The following MBOAT2 variants were observed in gnomAD, a reference collection of about 807,000 sequenced individuals.
MBOAT2 encodes membrane-bound glycerophospholipid O-acyltransferase 2.
A neutral mutation model predicts 63.4 loss-of-function variants in MBOAT2; 28 were observed. The ratio of observed to expected loss-of-function variants is 0.44; its 90% CI spans 0.33 to 0.61. The LOEUF (loss-of-function observed/expected upper bound fraction) is 0.61, where lower values mean the gene tolerates loss of function less well. Ranked by LOEUF, MBOAT2 falls within the 20% of genes least tolerant of loss-of-function variation. The pLI is 0.03. For synonymous variants in MBOAT2, 211 were observed against 215.6 expected (o/e 0.98, Z 0.19); for missense variants, 470 against 605.8 (o/e 0.78, Z 2.35).
chr2:8,903,865 C>A (rs771859262), intron 4 of MBOAT2, among the ~76,000 whole-genome samples: 15 of 152,198 alleles, frequency 9.9e-5, no homozygotes, highest in Admixed American at 3.3e-4. Context: ...AGCATTTATT[C>A]TTCTAGAGAA....
chr2:8,873,166 G>C lies in MBOAT2; in HGVS notation c.825C>G (p.Ile275Met), dbSNP rs1295645885. The C allele has an allele frequency of 1.9e-6, 3 of 1,614,146 alleles. No individual in the cohort carries two copies. The highest frequency in any genetic ancestry group is 2.5e-6 in the Non-Finnish European group (3 of 1,180,024). The change falls in exon 8 of 13, where the codon ATC (isoleucine) becomes ATG (methionine). Residue 275 changes from isoleucine to methionine, a missense_variant. Ile to Met is a conservative substitution (Grantham distance 10). Around this residue, in one of 3 missense-constraint regions of MBOAT2, gnomAD observed 376 missense variants for 503.8 expected, o/e 0.75. Transcript: ENST00000305997. Reference sequence around the variant, plus strand: ...CAGCCAAAAGAGAGATATACAGATAGATAATCTTTGTTGGCCACGAAGCTG... The same window carrying C: ...CAGCCAAAAGAGAGATATACAGATACATAATCTTTGTTGGCCACGAAGCTG... ...QATASWPTKI[I>M]YLYISLLAAR...
In MBOAT2 at chr2:8,877,053, C is replaced by T. The variant is rs1414149743; in HGVS notation, c.667G>A (p.Glu223Lys). 5.6e-6 allele frequency: 9 copies of T among 1,612,492 alleles called. No homozygotes were observed. The highest frequency in any genetic ancestry group is 7.6e-6 in the Non-Finnish European group (9 of 1,179,552). ...ACATTTGGAGATGGCTCTGTTCTTT[C>T]ATACTGTGTCTCTTCTTTTCCATTT... Reference protein sequence around the residue: ...GENGKEETQYERTEPSPNTAV... With the variant: ...GENGKEETQYKRTEPSPNTAV... Residue 223 changes from glutamate to lysine, a missense_variant, in exon 7 of 13, where the codon GAA becomes AAA. Physicochemically the swap from Glu to Lys is moderately conservative, Grantham distance 56. This residue lies in a region of MBOAT2 where 376 missense variants were observed against 503.8 expected (regional missense o/e 0.75). Transcript: ENST00000305997.
chr2:8,995,808 G>T (rs765988303), intron 1 of MBOAT2, among the ~76,000 whole-genome samples: 30 of 152,028 alleles, frequency 2.0e-4, no homozygotes, highest in African/African-American at 7.0e-4. Context: ...AGCCAGAATG[G>T]TCTCGATCTC....
At chr2:8,962,923 G>T (rs1457944845) in intron 1 of MBOAT2, among the ~76,000 whole-genome samples, 1 of 152,008 alleles carries the variant, frequency 6.6e-6, no homozygotes, top group African/African-American at 2.4e-5. Flanking sequence ...ACTCCTAAAC[G>T]CCAGTAGGAG....
chr2:8,985,047 T>A (rs1374013372), intron 1 of MBOAT2, among the ~76,000 whole-genome samples: 2 of 151,852 alleles, frequency 1.3e-5, no homozygotes, highest in Non-Finnish European at 2.9e-5. Context: ...AAGAAAAAAA[T>A]GTAAGGCTCA....
At chr2:8,919,356 A>G (rs1490711136) in intron 3 of MBOAT2, among the ~76,000 whole-genome samples, 1 of 152,222 alleles carries the variant, frequency 6.6e-6, no homozygotes. Flanking sequence ...TGAAGATTCT[A>G]GTTTCTTCAT....
chr2:8,983,483 A>G (rs779672411), intron 1 of MBOAT2, among the ~76,000 whole-genome samples: 75 of 152,222 alleles, frequency 4.9e-4, no homozygotes, highest in Non-Finnish European at 9.7e-4. Context: ...AAAAAGAATT[A>G]ATACCAGTTT....
chr2:8,883,471 C>T (rs917372739), intron 5 of MBOAT2, among the ~76,000 whole-genome samples: 4 of 152,074 alleles, frequency 2.6e-5, no homozygotes, highest in African/African-American at 9.7e-5. Flanking sequence ...ATGTAAAACA[C>T]ACATTTTATG....
At chr2:8,930,000 T>C (rs572108197) in intron 3 of MBOAT2, among the ~76,000 whole-genome samples, 4 of 152,288 alleles carry the variant, frequency 2.6e-5, no homozygotes, top group African/African-American at 9.6e-5. Context: ...TCCCCTCCCC[T>C]GAAACTAAAA....
chr2:8,945,753 AGTTT>A (rs1195944973), intron 2 of MBOAT2, among the ~76,000 whole-genome samples: 4 of 152,176 alleles, frequency 2.6e-5, no homozygotes, highest in African/African-American at 7.2e-5. Flanking sequence ...ACAAAACGTT[AGTTT>A]GTTTTCAGAT....
At position 8,879,119 on chromosome 2, in the gene MBOAT2, CTT is replaced by C. The variant is rs1662922925; in HGVS notation, c.507-1908_507-1907del. On this transcript the variant is annotated intron_variant, in intron 6 of 12. Coordinates refer to ENST00000305997, the MANE Select transcript of MBOAT2 (RefSeq NM_138799.4). The stretch of plus-strand genomic sequence containing the variant: ...AAATGTCTTGAACCTTAAGTATTTT[CTT>C]TTTAGGGCTTGAAACTGATGACAGA... Among the ~76,000 whole-genome samples, 4 of 147,408 alleles carry C rather than the reference CTT, an allele frequency of 2.7e-5. No homozygotes were observed. In the South Asian group the frequency reaches 8.6e-4, roughly 32 times the overall value.
chr2:8,968,851 A>G (rs899175501), intron 1 of MBOAT2, among the ~76,000 whole-genome samples: 8 of 152,138 alleles, frequency 5.3e-5, no homozygotes, highest in African/African-American at 1.9e-4. Context: ...AAGAAACGAA[A>G]AAAGCCTCCA....
Position 8,877,190 on chromosome 2 carries a change from T to G in MBOAT2, c.530A>C (p.Tyr177Ser). Reference protein sequence around the residue: ...AVRRMPSLLEYLSYNCNFMGI... With the variant: ...AVRRMPSLLESLSYNCNFMGI... ...CATGAAGTTACAGTTGTAACTCAAA[T>G]ACTCCAGTAAGCTTGGCATGCGCCT... Residue 177 changes from tyrosine (Y) to serine (S), a missense_variant, in exon 7 of 13, where the codon TAT becomes TCT. Around this residue, in one of 3 missense-constraint regions of MBOAT2, gnomAD observed 376 missense variants for 503.8 expected, o/e 0.75. Coordinates refer to ENST00000305997, the MANE Select transcript of MBOAT2 (RefSeq NM_138799.4). The G allele has an allele frequency of 6.2e-7, 1 of 1,612,958 alleles. No homozygotes were observed. The highest frequency in any genetic ancestry group is 8.5e-7 in the Non-Finnish European group (1 of 1,179,660).
intron 1 of MBOAT2, among the ~76,000 whole-genome samples, chr2:8,995,739 C>G (rs913065352): frequency 1.3e-5 from 2 of 152,018 alleles, no homozygotes; most frequent in Non-Finnish European, 2.9e-5. Flanking sequence ...CACGGGCACC[C>G]GCCACCATGC....
intron 1 of MBOAT2, among the ~76,000 whole-genome samples, chr2:8,964,439 A>G (rs1171720751): frequency 6.7e-6 from 1 of 149,398 alleles, no homozygotes; most frequent in Admixed American, 6.7e-5. Flanking sequence ...AGAACCTCCA[A>G]GTCAAGCAAC....
At chr2:8,868,064 G>A (rs1042862643) in intron 9 of MBOAT2, among the ~76,000 whole-genome samples, 11 of 152,050 alleles carry the variant, frequency 7.2e-5, no homozygotes, top group Non-Finnish European at 1.2e-4. Flanking sequence ...TGGAGTGTCC[G>A]GTTGTCTCTT....
chr2:8,921,323 T>C (rs1405325449), intron 3 of MBOAT2, among the ~76,000 whole-genome samples: 1 of 152,250 alleles, frequency 6.6e-6, no homozygotes, highest in Admixed American at 6.5e-5. Flanking sequence ...GACTTAATTC[T>C]GATAAAATTT....
chr2:8,861,599 T>G (rs1467835487), intron 11 of MBOAT2, among the ~76,000 whole-genome samples: 2 of 152,200 alleles, frequency 1.3e-5, no homozygotes, highest in East Asian at 3.8e-4. Context: ...GCTAATGTCC[T>G]TCCGATGCTT....
Position 8,873,214 on chromosome 2 carries a change from G to A in MBOAT2, c.777C>T (p.Asn259=). The change falls in exon 8 of 13, where the codon AAC becomes AAT. Residue 259 remains asparagine (N), a synonymous_variant. Coordinates refer to ENST00000305997, the MANE Select transcript of MBOAT2 (RefSeq NM_138799.4). ...CTGTAGCTTGAAAATGCTCATCAAT[G>A]TTGTACTCCACAGGTAATGTTGTAC... ...TICTTLPVEY[N]IDEHFQATAS... 1 of 1,614,170 alleles carries A rather than the reference G, an allele frequency of 6.2e-7. No homozygotes were observed. The highest frequency in any genetic ancestry group is 8.5e-7 in the Non-Finnish European group (1 of 1,180,000).
Sources: allele counts gnomAD v4.1 joint callset (sites outside exome capture counted in the v4.1 genomes callset), GRCh38; gene constraint gnomAD v4.1.1; regional missense constraint gnomAD v4.1.1; transcripts MANE v1.5; gene names NCBI Gene and HGNC (gene_info 2026-07-23, HGNC 2026-07-21).